The following FOXN3 variants were observed in gnomAD, a reference collection of about 807,000 sequenced individuals.
FOXN3 encodes the protein forkhead box N3.
A neutral mutation model predicts 38.4 loss-of-function variants in FOXN3; 7 were observed. The observed-to-expected ratio is 0.18, with a 90% CI of 0.10 to 0.34. The LOEUF is 0.34. Ranked by LOEUF, FOXN3 falls within the 10% of genes least tolerant of loss-of-function variation. The probability of loss-of-function intolerance (pLI) is 1.00; values close to 1 mark genes in which losing one functional copy is unlikely to be tolerated. For missense variants in FOXN3, 456 were observed against 613.4 expected (o/e 0.74, Z 2.71); for synonymous variants, 230 against 242.2 (o/e 0.95, Z 0.47).
chr14:89,292,547 G>A (rs535548501), intron 3 of FOXN3, among the ~76,000 whole-genome samples: 31 of 152,278 alleles, frequency 2.0e-4, no homozygotes, highest in African/African-American at 7.0e-4. Flanking sequence ...CCTCATGAAC[G>A]GGATTAGATG....
intron 1 of FOXN3, among the ~76,000 whole-genome samples, chr14:89,514,679 T>C (rs1343439478): frequency 1.3e-5 from 2 of 152,168 alleles, no homozygotes; most frequent in Non-Finnish European, 1.5e-5. Flanking sequence ...CTAGCACAAA[T>C]ACATTTAATT....
intron 5 of FOXN3, among the ~76,000 whole-genome samples, chr14:89,174,994 A>T (rs722479): frequency 0.76 from 115,317 of 152,182 alleles, 43,800 homozygotes; most frequent in Non-Finnish European, 0.77. Flanking sequence ...ATAATTGGAC[A>T]ACAACCCTAT....
intron 4 of FOXN3, among the ~76,000 whole-genome samples, chr14:89,208,558 C>G (rs2139828373): frequency 6.6e-6 from 1 of 152,264 alleles, no homozygotes; most frequent in Non-Finnish European, 1.5e-5. Context: ...GAGACTCTTT[C>G]ACTTTAAAAA....
At chr14:89,614,476 A>G (rs1896453906) in intron 1 of FOXN3, among the ~76,000 whole-genome samples, 2 of 152,154 alleles carry the variant, frequency 1.3e-5, no homozygotes, top group Admixed American at 6.5e-5. Context: ...CCTAGGGTAC[A>G]CTGTATTACG....
chr14:89,518,375 C>A (rs1894249854), intron 1 of FOXN3, among the ~76,000 whole-genome samples: 1 of 152,196 alleles, frequency 6.6e-6, no homozygotes, highest in African/African-American at 2.4e-5. Context: ...TTCCAGGTTT[C>A]CAATCTTGTG....
chr14:89,513,941 C>T (rs1449956998), intron 1 of FOXN3, among the ~76,000 whole-genome samples: 1 of 151,954 alleles, frequency 6.6e-6, no homozygotes, highest in Non-Finnish European at 1.5e-5. Context: ...CACGCACACA[C>T]GCACGCACAC....
intron 2 of FOXN3, among the ~76,000 whole-genome samples, chr14:89,409,699 T>G (rs1020715318): frequency 3.3e-5 from 5 of 152,174 alleles, no homozygotes; most frequent in Non-Finnish European, 5.9e-5. Flanking sequence ...TTTTGAAGAC[T>G]TTCCCTTTCT....
At position 89,159,599 on chromosome 14, in the gene FOXN3, T is replaced by TG. The variant is rs1164611531; in HGVS notation, c.*2814dup. ...TGAAATGAGGGGAGACAGCCCACGG[T>TG]GGGGGTTTTAATTGGAAGAAGTCCT... On this transcript the variant is annotated 3_prime_UTR_variant, in exon 6 of 6. Coordinates refer to ENST00000557258, the MANE Select transcript of FOXN3 (RefSeq NM_005197.4). 1 of 152,094 alleles carries TG rather than the reference T, an allele frequency of 6.6e-6. No homozygotes were observed. Among genetic ancestry groups the TG allele is most frequent in the African/African-American group, 2.4e-5 (1 of 41,386 alleles). 9.4% of individuals were successfully genotyped at this position (152,094 alleles called of 1,614,324 possible).
At chr14:89,353,350 T>C (rs1204778902) in intron 2 of FOXN3, 1 of 152,196 alleles carries the variant, frequency 6.6e-6, no homozygotes, top group Non-Finnish European at 1.5e-5. Flanking sequence ...GAAACTGGCT[T>C]ACAATGTCTT....
At chr14:89,222,247 G>T (rs558887494) in intron 4 of FOXN3, among the ~76,000 whole-genome samples, 32 of 152,342 alleles carry the variant, frequency 2.1e-4, no homozygotes, top group African/African-American at 6.5e-4. Flanking sequence ...TGGGGCTGGG[G>T]AGCTCTGGAC....
chr14:89,318,995 C>A (rs1887821547), intron 3 of FOXN3, among the ~76,000 whole-genome samples: 1 of 152,218 alleles, frequency 6.6e-6, no homozygotes, highest in African/African-American at 2.4e-5. Flanking sequence ...AGGGCCCAGA[C>A]TGGGCCAACA....
chr14:89,331,937 GTGCTGTGATT>G (rs1384105234), intron 3 of FOXN3, among the ~76,000 whole-genome samples: 1 of 152,130 alleles, frequency 6.6e-6, no homozygotes, highest in African/African-American at 2.4e-5. Flanking sequence ...GTTGATCAGT[GTGCTGTGATT>G]TTTTTAATGT....
chr14:89,481,366 G>A (rs1893324949), intron 1 of FOXN3, among the ~76,000 whole-genome samples: 1 of 152,156 alleles, frequency 6.6e-6, no homozygotes. Context: ...CGTCAGTGAG[G>A]CCTGCTGTTG....
intron 2 of FOXN3, among the ~76,000 whole-genome samples, chr14:89,352,877 T>C (rs918911959): frequency 2.6e-5 from 4 of 152,324 alleles, no homozygotes; most frequent in East Asian, 3.9e-4. Context: ...CCCATATTAA[T>C]GTATGCTACC....
chr14:89,428,469 G>A lies in FOXN3; in HGVS notation c.-14-15979C>T, dbSNP rs935979046. 4.6e-5 allele frequency among the ~76,000 whole-genome samples: 7 copies of A among 151,856 alleles called. No homozygotes were observed. The East Asian group carries it at 1.4e-3, about 30-fold the overall frequency. On this transcript the variant is annotated intron_variant, in intron 1 of 6. Transcript: ENST00000345097. ...TCGGGGCTGGAAAGGAAGCAAGCAG[G>A]TGAATTGCTAGCTCTTTCTGTGGGT...
intron 1 of FOXN3, among the ~76,000 whole-genome samples, chr14:89,502,082 C>T (rs28499142): frequency 0.12 from 18,597 of 152,092 alleles, 3,501 homozygotes; most frequent in African/African-American, 0.41. Flanking sequence ...GCAGGGGAAT[C>T]GCTTGAACCC....
chr14:89,582,591 G>A (rs1895766150), intron 1 of FOXN3, among the ~76,000 whole-genome samples: 1 of 148,736 alleles, frequency 6.7e-6, no homozygotes, highest in Non-Finnish European at 1.5e-5. Context: ...CCGGGTTCAT[G>A]CCATTCTCCT....
At chr14:89,213,978 G>A (rs1424832072) in intron 4 of FOXN3, among the ~76,000 whole-genome samples, 1 of 152,154 alleles carries the variant, frequency 6.6e-6, no homozygotes, top group Non-Finnish European at 1.5e-5. Context: ...TTTTCTCACG[G>A]ATCTTTAAAG....
At chr14:89,391,067 T>G (rs1490779443) in intron 2 of FOXN3, among the ~76,000 whole-genome samples, 1 of 152,128 alleles carries the variant, frequency 6.6e-6, no homozygotes, top group African/African-American at 2.4e-5. Flanking sequence ...AAACTGTCTT[T>G]CCTTATTTAT....
Sources: allele counts gnomAD v4.1 joint callset (sites outside exome capture counted in the v4.1 genomes callset), GRCh38; gene constraint gnomAD v4.1.1; transcripts MANE v1.5; gene names NCBI Gene and HGNC (gene_info 2026-07-23, HGNC 2026-07-21).